The following DSCAM variants were observed in gnomAD, a reference collection of about 807,000 sequenced individuals.
DSCAM encodes DS cell adhesion molecule.
In DSCAM, 47 loss-of-function variants were observed where a neutral mutation model predicts 217.7. The observed-to-expected ratio is 0.22, with a 90% CI of 0.17 to 0.28. The LOEUF (loss-of-function observed/expected upper bound fraction) is 0.28, where lower values mean the gene tolerates loss of function less well. Ranked by LOEUF, DSCAM falls within the 10% of genes least tolerant of loss-of-function variation. The probability of loss-of-function intolerance (pLI) is 1.00; values close to 1 mark genes in which losing one functional copy is unlikely to be tolerated. For missense variants in DSCAM, 2,080 were observed against 2,618.3 expected, an observed-to-expected ratio of 0.79 and a Z score of 4.49; for synonymous variants, 1,056 against 1,015.3, an observed-to-expected ratio of 1.04 and a Z score of -0.76.
chr21:40,137,088 C>T (rs9977834), intron 18 of DSCAM, among the ~76,000 whole-genome samples: 4 of 148,150 alleles, frequency 2.7e-5, no homozygotes, highest in South Asian at 2.1e-4. Context: ...GGCAAGAGAA[C>T]GGCGTGAACC....
intron 3 of DSCAM, among the ~76,000 whole-genome samples, chr21:40,369,483 T>C (rs1026073172): frequency 3.3e-5 from 5 of 152,050 alleles, no homozygotes; most frequent in Non-Finnish European, 5.9e-5. Context: ...TTTTAGTCCT[T>C]ATGCTATACA....
At chr21:40,572,654 G>C (rs2076817289) in intron 3 of DSCAM, among the ~76,000 whole-genome samples, 1 of 152,080 alleles carries the variant, frequency 6.6e-6, no homozygotes. Context: ...AACCCAGAGA[G>C]AAAAAGGAGT....
rs931799254 is a variant in DSCAM, at chr21:40,541,008, G to A, written c.508+151802C>T. On this transcript the variant is annotated intron_variant, in intron 3 of 32. Transcript: ENST00000400454. ...TCCTTCTGAGTAGCTGGGACTACAG[G>A]TGCATATTACAAAACTAAATGTTAT... is the stretch of plus-strand genomic sequence containing the variant. Among the ~76,000 whole-genome samples the A allele has an allele frequency of 4.6e-5, 7 of 152,026 alleles. 1 individual carries two copies. The highest frequency in any genetic ancestry group is 4.8e-5 in the African/African-American group (2 of 41,480).
At position 40,732,786 on chromosome 21, in the gene DSCAM, T is replaced by C. The variant is rs535676348; in HGVS notation, c.44-24015A>G. ...GACTTAAAATGTGAAGAAAGCAATA[T>C]ATGTGACTATTATCACCATTTAATG... On this transcript the variant is annotated intron_variant, in intron 1 of 32. Transcript: ENST00000400454. 2.0e-5 allele frequency among the ~76,000 whole-genome samples: 3 copies of C among 152,346 alleles called. No homozygotes were observed. In the East Asian group the frequency reaches 5.8e-4, roughly 29 times the overall value.
intron 15 of DSCAM, among the ~76,000 whole-genome samples, chr21:40,169,933 C>A (rs1426395675): frequency 2.0e-5 from 3 of 152,102 alleles, no homozygotes; most frequent in South Asian, 4.2e-4. Context: ...ACTTCTATGC[C>A]TGGTGACAGT....
rs867114155 is a variant in DSCAM, at chr21:40,846,799, T to C, written c.-138A>G. 1.1e-4 allele frequency: 21 copies of C among 189,638 alleles called. No individual in the cohort carries two copies. The highest frequency in any genetic ancestry group is 1.4e-4 in the Admixed American group (2 of 14,374). 11.7% of individuals were successfully genotyped at this position (189,638 alleles called of 1,614,324 possible). A position where few individuals can be genotyped will look rare whatever the true frequency, so the allele number is the denominator to read the frequency against. On this transcript the variant is annotated 5_prime_UTR_variant, in exon 1 of 33. Transcript: ENST00000400454. ...CGCCGCCCGCCGCCGCCGCCGCCGC[T>C]GCCTAGCCGCCCGGGCACGCGGCGC...
rs1352934892 is a variant in DSCAM at position 40,364,035 on chromosome 21, C to T, written c.655+5064G>A. Among the ~76,000 whole-genome samples, 10 of 152,284 alleles carry T rather than the reference C, an allele frequency of 6.6e-5. No individual in the cohort carries two copies. The South Asian group carries it at 1.2e-3, about 19-fold the overall frequency. On this transcript the variant is annotated intron_variant, in intron 4 of 32. Transcript: ENST00000400454. ...TTAAAAAGTCAGGAAACAACAGGTG[C>T]TGGAGAGGATGTGGAGAAATAGGAA...
intron 9 of DSCAM, among the ~76,000 whole-genome samples, chr21:40,296,557 C>T (rs1399208055): frequency 4.6e-5 from 7 of 152,062 alleles, no homozygotes; most frequent in Non-Finnish European, 8.8e-5. Flanking sequence ...TCAGGCTGGG[C>T]GCGGTGGCTC....
chr21:40,216,760 G>A (rs780180339), intron 11 of DSCAM, among the ~76,000 whole-genome samples: 10 of 152,180 alleles, frequency 6.6e-5, no homozygotes, highest in Admixed American at 1.3e-4. Flanking sequence ...GGCCCCTCCC[G>A]CAGCCAACCA....
At chr21:40,289,163 T>C (rs537733137) in intron 10 of DSCAM, among the ~76,000 whole-genome samples, 2 of 152,090 alleles carry the variant, frequency 1.3e-5, no homozygotes, top group Admixed American at 6.5e-5. Flanking sequence ...CCTATGAAAT[T>C]AGAAAATAGC....
intron 1 of DSCAM, among the ~76,000 whole-genome samples, chr21:40,753,051 G>A (rs914707485): frequency 6.6e-6 from 1 of 152,286 alleles, no homozygotes; most frequent in African/African-American, 2.4e-5. Flanking sequence ...ACAGAGTTCA[G>A]GGAGCCCAGC....
intron 11 of DSCAM, among the ~76,000 whole-genome samples, chr21:40,244,248 C>G (rs996560884): frequency 6.6e-6 from 1 of 152,056 alleles, no homozygotes; most frequent in Non-Finnish European, 1.5e-5. Flanking sequence ...GTCAGGAGTT[C>G]GAGACCAGAC....
chr21:40,318,051 C>A (rs1361471735), intron 8 of DSCAM, among the ~76,000 whole-genome samples: 1 of 151,924 alleles, frequency 6.6e-6, no homozygotes, highest in Non-Finnish European at 1.5e-5. Flanking sequence ...ATATGTGCCA[C>A]ATTTTCTTAA....
rs575461347 is a variant in DSCAM, at chr21:40,330,319, ATATT to A, written c.1783+7778_1783+7781del. ...CATATATTTATATATAATAAATTAT[ATATT>A]TATTATATTATATGCATATATTTAT... On this transcript the variant is annotated intron_variant, in intron 8 of 32. Coordinates refer to ENST00000400454, the MANE Select transcript of DSCAM (RefSeq NM_001389.5). 6.0e-3 allele frequency among the ~76,000 whole-genome samples: 884 copies of A among 147,198 alleles called. 9 individuals are homozygous for A. Among genetic ancestry groups the A allele is most frequent in the South Asian group, 0.015 (70 of 4,764 alleles).
At chr21:40,342,642 A>ATTT (rs1569074445) in intron 6 of DSCAM, among the ~76,000 whole-genome samples, 2 of 95,518 alleles carry the variant, frequency 2.1e-5, no homozygotes, top group African/African-American at 8.8e-5. Context: ...ATATATATAT[A>ATTT]TATATATTTT....
chr21:40,038,112 G>C, intron 32 of DSCAM, among the ~76,000 whole-genome samples: 1 of 151,950 alleles, frequency 6.6e-6, no homozygotes, highest in Non-Finnish European at 1.5e-5. Flanking sequence ...CATGGGTAAG[G>C]ACTTCATGTC....
At chr21:40,199,480 G>A (rs1736159314) in intron 11 of DSCAM, among the ~76,000 whole-genome samples, 1 of 152,102 alleles carries the variant, frequency 6.6e-6, no homozygotes, top group African/African-American at 2.4e-5. Context: ...TGTCTTTATT[G>A]TAGAATGAGT....
In DSCAM at chr21:40,347,772, G is replaced by A; in HGVS notation, c.1108C>T (p.Leu370Phe). The A allele has an allele frequency of 6.2e-7, 1 of 1,614,148 alleles. No homozygotes were observed. The highest frequency in any genetic ancestry group is 8.5e-7 in the Non-Finnish European group (1 of 1,180,028). Residue 370 changes from leucine to phenylalanine, a missense_variant, in exon 6 of 33, where the codon CTT becomes TTT. By Grantham distance (22) the Leu-to-Phe change is conservative. Coordinates refer to ENST00000400454, the MANE Select transcript of DSCAM (RefSeq NM_001389.5). ...CTTTTGACCATGTGATCCATTATAA[G>A]GTTTTCGTGGTTGATCCCTGTGATC... ...VRITGINHEN[L>F]IMDHMVKSDG...
chr21:40,178,465 T>C (rs918584132), intron 15 of DSCAM, among the ~76,000 whole-genome samples: 3 of 152,182 alleles, frequency 2.0e-5, no homozygotes, highest in African/African-American at 7.2e-5. Flanking sequence ...ATGTTTCTAG[T>C]CAATAAAATA....
Sources: gnomAD v4.1 joint callset for allele counts (sites outside exome capture counted in the v4.1 genomes callset) on GRCh38, gnomAD v4.1.1 for gene constraint, MANE v1.5 for transcripts, NCBI Gene and HGNC (gene_info 2026-07-23, HGNC 2026-07-21) for gene names.